The following CNBD1 variants were observed in gnomAD, a reference collection of about 807,000 sequenced individuals.
CNBD1 encodes the protein cyclic nucleotide-binding domain-containing protein 1.
A neutral mutation model predicts 54.4 loss-of-function variants in CNBD1; 71 were observed. The ratio of observed to expected loss-of-function variants is 1.30; its 90% CI spans 1.08 to 1.59. CNBD1 has a LOEUF of 1.59. Among genes scored for constraint, CNBD1 ranks in the 40% most tolerant of loss-of-function variants. The pLI, the probability that CNBD1 is intolerant of heterozygous loss-of-function variation, is 0.00. For synonymous variants in CNBD1, 182 were observed against 170.7 expected (o/e 1.07, Z -0.51); for missense variants, 659 against 518.0 (o/e 1.27, Z -2.64).
At chr8:87,382,532 A>T (rs1811099880) in intron 10 of CNBD1, 88 bp from the exon 11 acceptor site, 3 of 1,016,210 alleles carry the variant, frequency 3.0e-6, no homozygotes, top group Non-Finnish European at 4.4e-6. Context: ...TCAGCAATGT[A>T]ATTTTAGGGT....
chr8:87,122,656 T>C (rs1811913379), intron 4 of CNBD1, among the ~76,000 whole-genome samples: 1 of 151,810 alleles, frequency 6.6e-6, no homozygotes, highest in Non-Finnish European at 1.5e-5. Context: ...CATTTAGCAT[T>C]CCCCCTATTT....
At chr8:87,409,334 C>T (rs1251192164) in intron 2 of CNBD1, among the ~76,000 whole-genome samples, 2 of 152,072 alleles carry the variant, frequency 1.3e-5, no homozygotes, top group Non-Finnish European at 2.9e-5. Flanking sequence ...CCTAACTGTT[C>T]AATTCTATAA....
intron 10 of CNBD1, among the ~76,000 whole-genome samples, chr8:87,354,782 A>C (rs1375904087): frequency 6.6e-6 from 1 of 152,180 alleles, no homozygotes; most frequent in African/African-American, 2.4e-5. Flanking sequence ...TATATGTGCC[A>C]CATTTTCTTA....
chr8:87,280,466 C>A (rs1371621609), intron 6 of CNBD1, among the ~76,000 whole-genome samples: 1 of 151,356 alleles, frequency 6.6e-6, no homozygotes, highest in Non-Finnish European at 1.5e-5. Context: ...ATTATGAGTG[C>A]CTGATCTTTG....
chr8:86,988,651 G>A (rs113360234), intron 4 of CNBD1, among the ~76,000 whole-genome samples: 21 of 151,760 alleles, frequency 1.4e-4, no homozygotes, highest in African/African-American at 2.7e-4. Flanking sequence ...CTATATTTTC[G>A]TATCCTTTAA....
chr8:87,266,438 C>CTT (rs72293236), intron 6 of CNBD1, among the ~76,000 whole-genome samples: 1,932 of 50,154 alleles, frequency 0.039, 347 homozygotes, highest in African/African-American at 0.052. Flanking sequence ...AAAAAAAAAT[C>CTT]TTTTTTTTTT....
At chr8:87,172,341 C>T (rs960531911) in intron 4 of CNBD1, among the ~76,000 whole-genome samples, 13 of 151,990 alleles carry the variant, frequency 8.6e-5, no homozygotes, top group African/African-American at 3.1e-4. Flanking sequence ...AATGTTTATT[C>T]TACAGCTATT....
At chr8:87,085,934 C>G (rs1811086489) in intron 4 of CNBD1, among the ~76,000 whole-genome samples, 1 of 152,036 alleles carries the variant, frequency 6.6e-6, no homozygotes. Flanking sequence ...GTAATGGGTC[C>G]CCACCTACAT....
At chr8:86,958,338 C>CT (rs1357373356) in intron 4 of CNBD1, among the ~76,000 whole-genome samples, 1 of 152,180 alleles carries the variant, frequency 6.6e-6, no homozygotes, top group African/African-American at 2.4e-5. Context: ...CTGTAGGTGT[C>CT]TATTAGGTCC....
At chr8:87,297,560 C>T (rs6993281) in intron 8 of CNBD1, among the ~76,000 whole-genome samples, 77,962 of 151,894 alleles carry the variant, frequency 0.51, 20,610 homozygotes, top group African/African-American at 0.6. Flanking sequence ...TTATAAATCA[C>T]TTTAATAATA....
At chr8:86,945,587 A>G (rs1226636875) in intron 4 of CNBD1, among the ~76,000 whole-genome samples, 1 of 152,192 alleles carries the variant, frequency 6.6e-6, no homozygotes, top group Admixed American at 6.5e-5. Context: ...TGTGAAAAAT[A>G]CAGTATTTTG....
chr8:87,403,072 A>G (rs939014152), intron 2 of CNBD1, among the ~76,000 whole-genome samples: 1 of 152,046 alleles, frequency 6.6e-6, no homozygotes, highest in Admixed American at 6.6e-5. Flanking sequence ...ATGGCTTTTC[A>G]GGTTTCCTCA....
At chr8:87,225,873 A>T (rs1244636115) in intron 5 of CNBD1, among the ~76,000 whole-genome samples, 2 of 144,478 alleles carry the variant, frequency 1.4e-5, no homozygotes, top group African/African-American at 5.5e-5. Context: ...CTGGTCCAGG[A>T]CTCTTTTTGG....
chr8:87,340,078 T>A (rs1262382148), intron 8 of CNBD1, among the ~76,000 whole-genome samples: 2 of 152,212 alleles, frequency 1.3e-5, no homozygotes, highest in Non-Finnish European at 2.9e-5. Context: ...GCAGGTCTAG[T>A]TATAATAACC....
At chr8:87,292,767 G>A (rs1188742670) in intron 8 of CNBD1, among the ~76,000 whole-genome samples, 1 of 152,148 alleles carries the variant, frequency 6.6e-6, no homozygotes, top group Non-Finnish European at 1.5e-5. Context: ...TGCAGTATCT[G>A]GAAGAAGTCA....
At chr8:87,060,035 C>T (rs1213746816) in intron 4 of CNBD1, among the ~76,000 whole-genome samples, 1 of 152,226 alleles carries the variant, frequency 6.6e-6, no homozygotes, top group African/African-American at 2.4e-5. Context: ...GGGGTGACTC[C>T]TCCCAAGAAT....
At chr8:87,299,421 A>T (rs1395498087) in intron 8 of CNBD1, among the ~76,000 whole-genome samples, 1 of 152,198 alleles carries the variant, frequency 6.6e-6, no homozygotes, top group Non-Finnish European at 1.5e-5. Flanking sequence ...GCTGTAATAA[A>T]CAGAAAGAAA....
At chr8:86,935,982 A>T (rs1398479244) in intron 3 of CNBD1, among the ~76,000 whole-genome samples, 1 of 151,834 alleles carries the variant, frequency 6.6e-6, no homozygotes, top group Non-Finnish European at 1.5e-5. Context: ...ACCATCTCTT[A>T]AAAAAAATTA....
At chr8:86,988,449 T>C (rs1391445113) in intron 4 of CNBD1, among the ~76,000 whole-genome samples, 1 of 152,148 alleles carries the variant, frequency 6.6e-6, no homozygotes, top group Non-Finnish European at 1.5e-5. Flanking sequence ...AGGCACAAAA[T>C]ACATAATAAT....
Sources: allele counts gnomAD v4.1 joint callset (sites outside exome capture counted in the v4.1 genomes callset), GRCh38; gene constraint gnomAD v4.1.1; transcripts MANE v1.5; gene names NCBI Gene and HGNC (gene_info 2026-07-23, HGNC 2026-07-21).